The following SCYL2 variants were observed in gnomAD, a reference collection of about 807,000 sequenced individuals.
SCYL2 encodes the protein SCY1 like pseudokinase 2, also known as SCY1-like protein 2.
In SCYL2, 36 loss-of-function variants were observed where a neutral mutation model predicts 100.4. The ratio of observed to expected loss-of-function variants is 0.36; its 90% confidence interval spans 0.27 to 0.47. The LOEUF is 0.47. SCYL2 is among the 20% of genes least tolerant of loss of function. SCYL2 has a pLI of 1.00. For synonymous variants in SCYL2, 330 were observed against 359.2 expected (o/e 0.92, Z 0.92); for missense variants, 902 against 1,083.9 (o/e 0.83, Z 2.36).
intron 2 of SCYL2, among the ~76,000 whole-genome samples, chr12:100,288,732 G>A (rs1444634359): frequency 1.3e-5 from 2 of 151,846 alleles, no homozygotes; most frequent in Non-Finnish European, 1.5e-5. Context: ...AGCTACTCGG[G>A]AGACTGAGGT....
intron 4 of SCYL2, among the ~76,000 whole-genome samples, chr12:100,305,679 A>G (rs1253124584): frequency 6.6e-6 from 1 of 151,902 alleles, no homozygotes; most frequent in Non-Finnish European, 1.5e-5. Flanking sequence ...AGAGACATGA[A>G]AAACCCTTAA....
chr12:100,310,914 A>C, intron 4 of SCYL2, 130 bp from the exon 5 acceptor site: 1 of 822,936 alleles, frequency 1.2e-6, no homozygotes, highest in Non-Finnish European at 1.8e-6. Flanking sequence ...ATTTATGATG[A>C]AATTTGATTT....
intron 4 of SCYL2, among the ~76,000 whole-genome samples, chr12:100,300,168 A>T (rs1489865845): frequency 5.3e-5 from 8 of 152,094 alleles, no homozygotes; most frequent in Non-Finnish European, 1.5e-5. Flanking sequence ...TTTTAGGTGA[A>T]ATATCTCTTC....
chr12:100,281,810 G>C (rs1027448932), intron 1 of SCYL2, among the ~76,000 whole-genome samples: 1 of 150,810 alleles, frequency 6.6e-6, no homozygotes. Context: ...CTCCAGCCTG[G>C]GTGACAGAGC....
At chr12:100,279,138 C>T (rs886904250) in intron 1 of SCYL2, among the ~76,000 whole-genome samples, 6 of 152,152 alleles carry the variant, frequency 3.9e-5, no homozygotes, top group South Asian at 2.1e-4. Flanking sequence ...GGACCGGATT[C>T]GTGGAAGACA....
chr12:100,324,645 A>C (rs915325934), intron 11 of SCYL2, among the ~76,000 whole-genome samples: 1 of 152,232 alleles, frequency 6.6e-6, no homozygotes, highest in African/African-American at 2.4e-5. Flanking sequence ...ATCATTACTG[A>C]AACAAACAAG....
chr12:100,308,250 A>G lies in SCYL2; in HGVS notation c.481-2794A>G, dbSNP rs147076430. Among the ~76,000 whole-genome samples, 310 of 152,328 alleles carry G rather than the reference A, an allele frequency of 2.0e-3. 2 individuals are homozygous for G. In the Middle Eastern group the frequency reaches 0.02, roughly 10 times the overall value. ...CTGGAACCAACCCAAATGCCCATCA[A>G]TGATAGATTGGATAAAGAAAATGTG... On this transcript the variant is annotated intron_variant, in intron 4 of 17. Coordinates refer to ENST00000360820, the MANE Select transcript of SCYL2 (RefSeq NM_017988.6).
In SCYL2 at chr12:100,332,139, C is replaced by T. The variant is rs148825580; in HGVS notation, c.1762-2027C>T. Among the ~76,000 whole-genome samples the T allele has an allele frequency of 5.4e-3, 825 of 152,270 alleles. 6 individuals carry two copies. The highest frequency in any genetic ancestry group is 8.7e-3 in the Non-Finnish European group (590 of 68,018). On this transcript the variant is annotated intron_variant, in intron 13 of 17. Transcript: ENST00000360820. Reference sequence around the variant, plus strand: ...CTAGAGTCTTTTCCCAGTGAAATCACGCAGGATTCCCCTTGTAATGAATTG... The same window carrying T: ...CTAGAGTCTTTTCCCAGTGAAATCATGCAGGATTCCCCTTGTAATGAATTG...
In SCYL2 at chr12:100,291,357, A is replaced by G. The variant is rs564924113; in HGVS notation, c.178-146A>G. Reference sequence around the variant, plus strand: ...TTTTAAAATGTTTAGATTTACTATCATAAGGAAACCAACTCTTTGATATCA... The same window carrying G: ...TTTTAAAATGTTTAGATTTACTATCGTAAGGAAACCAACTCTTTGATATCA... On this transcript the variant is annotated intron_variant, in intron 2 of 17. Coordinates refer to ENST00000360820, the MANE Select transcript of SCYL2 (RefSeq NM_017988.6). The G allele has an allele frequency of 3.8e-5, 22 of 574,202 alleles. No homozygotes were observed. The South Asian group carries it at 5.0e-4, about 13-fold the overall frequency. 35.6% of individuals were successfully genotyped at this position (574,202 alleles called of 1,614,324 possible).
chr12:100,326,623 T>A lies in SCYL2; in HGVS notation c.1511T>A (p.Val504Asp). The change falls in exon 12 of 18, where the codon GTT (valine) becomes GAT (aspartate). Residue 504 changes from valine (V) to aspartate (D), a missense_variant and splice_region_variant. Coordinates refer to ENST00000360820, the MANE Select transcript of SCYL2 (RefSeq NM_017988.6). ...NACLQTSSLA[V>D]RVNSLVCLGK... ...AATGCAATTTACCTCTTTTAATAGG[T>A]TCGTGTAAATTCATTAGTGTGCTTA... The A allele has an allele frequency of 6.3e-7, 1 of 1,586,422 alleles. No individual in the cohort carries two copies. Among genetic ancestry groups the A allele is most frequent in the Non-Finnish European group, 8.5e-7 (1 of 1,170,832 alleles).
chr12:100,297,887 G>T (rs1261896470), intron 3 of SCYL2, 144 bp from the exon 4 acceptor site: 9 of 660,646 alleles, frequency 1.4e-5, no homozygotes, highest in Non-Finnish European at 2.2e-5. Flanking sequence ...GGTTTAAGTG[G>T]ATTATGTCTA....
intron 4 of SCYL2, among the ~76,000 whole-genome samples, chr12:100,308,299 A>C (rs569724382): frequency 6.6e-6 from 1 of 152,202 alleles, no homozygotes; most frequent in Non-Finnish European, 1.5e-5. Flanking sequence ...ATGGAATACT[A>C]TGCAGCCATA....
intron 12 of SCYL2, among the ~76,000 whole-genome samples, chr12:100,328,547 G>A (rs1952167169): frequency 6.6e-6 from 1 of 152,126 alleles, no homozygotes; most frequent in Non-Finnish European, 1.5e-5. Context: ...AATAATGGGG[G>A]ATGGTATTTC....
chr12:100,297,759 G>T (rs958459536), intron 3 of SCYL2, among the ~76,000 whole-genome samples: 11 of 152,074 alleles, frequency 7.2e-5, no homozygotes, highest in African/African-American at 2.4e-4. Context: ...GAACAAGGTG[G>T]TGTTTTATTT....
intron 1 of SCYL2, among the ~76,000 whole-genome samples, chr12:100,281,336 C>CTT (rs1041430522): frequency 2.3e-4 from 35 of 152,192 alleles, no homozygotes; most frequent in African/African-American, 8.2e-4. Flanking sequence ...AGGAAATATT[C>CTT]TTAAATGATT....
chr12:100,295,072 A>G (rs1433145450), intron 3 of SCYL2, among the ~76,000 whole-genome samples: 1 of 144,404 alleles, frequency 6.9e-6, no homozygotes, highest in East Asian at 2.2e-4. Context: ...GTGGCGGGGC[A>G]GAGGCGCTCC....
chr12:100,331,979 A>C (rs1952214851), intron 13 of SCYL2, among the ~76,000 whole-genome samples: 1 of 152,174 alleles, frequency 6.6e-6, no homozygotes, highest in Non-Finnish European at 1.5e-5. Flanking sequence ...AGAATGGATG[A>C]TTCAGTAGGA....
rs1016330373 is a variant in SCYL2, at chr12:100,341,048, T to A, written c.*1876T>A. The stretch of plus-strand genomic sequence containing the variant: ...TCTTAAACAGAAAGAAAGCTTAATA[T>A]AACAGCTTATAGAACTTGAACTACT... On this transcript the variant is annotated 3_prime_UTR_variant, in exon 18 of 18. Transcript: ENST00000360820. 3.9e-5 allele frequency: 6 copies of A among 152,106 alleles called. No individual in the cohort carries two copies. Among genetic ancestry groups the A allele is most frequent in the African/African-American group, 1.4e-4 (6 of 41,464 alleles). The allele number at this position is 152,106 out of a possible 1,614,324, so 9.4% of individuals were successfully genotyped here. A position where few individuals can be genotyped will look rare whatever the true frequency, so the allele number is the denominator to read the frequency against.
intron 1 of SCYL2, among the ~76,000 whole-genome samples, chr12:100,281,229 A>G (rs889694156): frequency 1.3e-5 from 2 of 151,692 alleles, no homozygotes; most frequent in African/African-American, 2.4e-5. Context: ...GGGTTTCTCC[A>G]TGTTTCCCAG....
Sources: allele counts gnomAD v4.1 joint callset (sites outside exome capture counted in the v4.1 genomes callset), GRCh38; gene constraint gnomAD v4.1.1; transcripts MANE v1.5; gene names NCBI Gene and HGNC (gene_info 2026-07-23, HGNC 2026-07-21).